DOCK8: variants seen among roughly 807,000 people sequenced by gnomAD.
DOCK8 encodes dedicator of cytokinesis 8.
A neutral mutation model predicts 245.6 loss-of-function variants in DOCK8; 141 were observed. That is an observed-to-expected ratio of 0.57 (90% CI 0.50 to 0.66). The LOEUF is 0.66. Ranked by LOEUF, DOCK8 falls within the 30% of genes least tolerant of loss-of-function variation. The pLI, the probability that DOCK8 is intolerant of heterozygous loss-of-function variation, is 0.00. For missense variants in DOCK8, 2,965 were observed against 2,603.4 expected (o/e 1.14, Z -3.02); for synonymous variants, 1,168 against 970.2 (o/e 1.20, Z -3.79).
intron 2 of DOCK8, chr9:284,249 G>T (rs565695988): frequency 4.2e-4 from 64 of 152,460 alleles, no homozygotes; most frequent in African/African-American, 1.3e-3. Context: ...TGCATAGATG[G>T]TGTCTGTTGT....
chr9:412,418 A>AG (rs1254418222), intron 28 of DOCK8, among the ~76,000 whole-genome samples: 1 of 151,526 alleles, frequency 6.6e-6, no homozygotes. Context: ...AAAAAAAAAA[A>AG]AAAGAAAAAG....
rs1258177621 is a variant in DOCK8 at position 428,355 on chromosome 9, C to A, written c.4339-7C>A. The A allele has an allele frequency of 6.2e-6, 10 of 1,614,058 alleles. No homozygotes were observed. Among genetic ancestry groups the A allele is most frequent in the Non-Finnish European group, 8.5e-6 (10 of 1,180,008 alleles). ...GATTCAATGATGCTGTTCTTCCATT[C>A]CCCCAGGCGAGCTCGGCTCTGGACT... On this transcript the variant is annotated splice_region_variant and splice_polypyrimidine_tract_variant and intron_variant, in intron 34 of 47. Transcript: ENST00000432829.
At chr9:255,856 T>C (rs908684133) in intron 1 of DOCK8, among the ~76,000 whole-genome samples, 3 of 152,084 alleles carry the variant, frequency 2.0e-5, no homozygotes, top group African/African-American at 7.2e-5. Flanking sequence ...GAAAAATACC[T>C]CTTCCCCTCA....
intron 40 of DOCK8, among the ~76,000 whole-genome samples, chr9:439,677 A>C (rs534700683): frequency 6.6e-6 from 1 of 152,314 alleles, no homozygotes; most frequent in East Asian, 1.9e-4. Context: ...TAGGGGTGGA[A>C]CTAAGCCACA....
chr9:399,754 A>G (rs2054654581), intron 26 of DOCK8, among the ~76,000 whole-genome samples: 1 of 152,076 alleles, frequency 6.6e-6, no homozygotes, highest in African/African-American at 2.4e-5. Context: ...TCATAAACCA[A>G]GTGCATCTAT....
chr9:348,860 G>T (rs1330938737), intron 14 of DOCK8, among the ~76,000 whole-genome samples: 1 of 152,142 alleles, frequency 6.6e-6, no homozygotes, highest in African/African-American at 2.4e-5. Context: ...TTCATCCTCA[G>T]TTCTGACCTC....
intron 1 of DOCK8, among the ~76,000 whole-genome samples, chr9:243,592 T>C (rs1405807656): frequency 6.6e-6 from 1 of 152,178 alleles, no homozygotes; most frequent in Non-Finnish European, 1.5e-5. Context: ...TTCTGTTTCA[T>C]CTCAGGATTT....
At chr9:325,862 G>A (rs1038536168) in intron 8 of DOCK8, 125 bp downstream of exon 8, 2 of 891,352 alleles carry the variant, frequency 2.2e-6, no homozygotes, top group African/African-American at 1.7e-5. Context: ...TCTTTGATGA[G>A]TCCAGTTCTG....
chr9:406,780 T>C (rs1191441903), intron 27 of DOCK8, 150 bp from the exon 28 acceptor site: 4 of 953,788 alleles, frequency 4.2e-6, no homozygotes, highest in Non-Finnish European at 6.6e-6. Flanking sequence ...TGCCTCAGTT[T>C]CCTTGTCCGC....
At chr9:316,465 C>G (rs2050351353) in intron 6 of DOCK8, among the ~76,000 whole-genome samples, 1 of 152,066 alleles carries the variant, frequency 6.6e-6, no homozygotes, top group Non-Finnish European at 1.5e-5. Context: ...TTTCATATAC[C>G]TAGCACTTTA....
At chr9:347,720 CA>C (rs1236151792) in intron 14 of DOCK8, among the ~76,000 whole-genome samples, 1 of 152,146 alleles carries the variant, frequency 6.6e-6, no homozygotes, top group Non-Finnish European at 1.5e-5. Context: ...GTGCTAGTTG[CA>C]ACTTGGTCTC....
intron 1 of DOCK8, among the ~76,000 whole-genome samples, chr9:261,254 T>A (rs1485706572): frequency 6.6e-6 from 1 of 152,224 alleles, no homozygotes; most frequent in Non-Finnish European, 1.5e-5. Flanking sequence ...GAATAGCTTA[T>A]ATAACTATGT....
rs2049725663 is a variant in DOCK8 at position 304,618 on chromosome 9, A to G, written c.442A>G (p.Thr148Ala). 2.5e-6 allele frequency: 4 copies of G among 1,614,216 alleles called. No individual in the cohort carries two copies. The highest frequency in any genetic ancestry group is 3.4e-6 in the Non-Finnish European group (4 of 1,180,020). ...TCCAGAAATCTGTGGCTTTAAAAAG[A>G]CTGGATCTCGAAAAGATTTTCACAA... ...GSPEICGFKK[T>A]GSRKDFHKTL... The change falls in exon 5 of 48, where the codon ACT (threonine) becomes GCT (alanine). Residue 148 changes from threonine (T) to alanine (A), a missense_variant. Thr to Ala is a moderately conservative substitution (Grantham distance 58). Coordinates refer to ENST00000432829, the MANE Select transcript of DOCK8 (RefSeq NM_203447.4).
chr9:340,366 A>C (rs781412661), intron 14 of DOCK8, 45 bp downstream of exon 14: 1 of 1,611,978 alleles, frequency 6.2e-7, no homozygotes, highest in Non-Finnish European at 8.5e-7. Context: ...TTACACCATA[A>C]TCCCATAACT....
At chr9:407,888 A>G (rs1258746181) in intron 28 of DOCK8, among the ~76,000 whole-genome samples, 2 of 152,162 alleles carry the variant, frequency 1.3e-5, no homozygotes, top group East Asian at 3.9e-4. Context: ...CTCAGATTCA[A>G]AGATGATTAG....
intron 14 of DOCK8, among the ~76,000 whole-genome samples, chr9:358,932 G>A (rs4741830): frequency 0.54 from 81,999 of 152,112 alleles, 23,984 homozygotes; most frequent in East Asian, 0.8. Flanking sequence ...CACAATGAAC[G>A]ATAAGATTCA....
chr9:438,577 C>T (rs763860771), intron 39 of DOCK8, among the ~76,000 whole-genome samples: 6 of 152,170 alleles, frequency 3.9e-5, no homozygotes, highest in Non-Finnish European at 7.4e-5. Flanking sequence ...GCCCTAAAAG[C>T]GAGTACCTCT....
At chr9:422,746 A>C (rs1312029662) in intron 33 of DOCK8, among the ~76,000 whole-genome samples, 2 of 152,222 alleles carry the variant, frequency 1.3e-5, no homozygotes, top group African/African-American at 4.8e-5. Context: ...GCACTTTGGG[A>C]GGCTGAGGCC....
intron 40 of DOCK8, among the ~76,000 whole-genome samples, chr9:441,043 T>G (rs2057078667): frequency 6.6e-6 from 1 of 152,114 alleles, no homozygotes; most frequent in Non-Finnish European, 1.5e-5. Context: ...CAGTATTTTT[T>G]TTTCCCCCGA....
Sources: allele counts gnomAD v4.1 joint callset (sites outside exome capture counted in the v4.1 genomes callset), GRCh38; gene constraint gnomAD v4.1.1; transcripts MANE v1.5; gene names NCBI Gene and HGNC (gene_info 2026-07-23, HGNC 2026-07-21).